RAD50: variants seen among roughly 807,000 people sequenced by gnomAD.
RAD50 encodes the protein DNA repair protein RAD50.
RAD50 carries 132 observed loss-of-function variants against 168.8 expected under a neutral mutation model. The observed-to-expected ratio is 0.78, with a 90% CI of 0.68 to 0.90. The LOEUF is 0.90. Among genes scored for constraint, RAD50 ranks in the 40% least tolerant of loss-of-function variants. The probability of loss-of-function intolerance (pLI) is 0.00; values close to 1 mark genes in which losing one functional copy is unlikely to be tolerated. For missense variants in RAD50, 1,347 were observed against 1,534.4 expected (o/e 0.88, Z 2.04); for synonymous variants, 525 against 497.4 (o/e 1.06, Z -0.74).
intron 13 of RAD50, among the ~76,000 whole-genome samples, chr5:132,600,668 G>A (rs1385447688): frequency 6.6e-6 from 1 of 151,952 alleles, no homozygotes; most frequent in Non-Finnish European, 1.5e-5. Flanking sequence ...AACTCAATTG[G>A]TATTTCTCCC....
In RAD50 at chr5:132,643,188, G is replaced by A. The variant is rs1751772836; in HGVS notation, c.*824G>A. On this transcript the variant is annotated 3_prime_UTR_variant, in exon 25 of 25. Transcript: ENST00000378823. ...CATCAATCCTGATTCCTCTCTAAGT[G>A]GGCATTGCCATGTGGAAGGCAAGCC... The A allele has an allele frequency of 7.6e-6, 3 of 397,204 alleles. No individual in the cohort carries two copies. Among genetic ancestry groups the A allele is most frequent in the Non-Finnish European group, 1.1e-5 (2 of 183,336 alleles). 24.6% of individuals were successfully genotyped at this position (397,204 alleles called of 1,614,324 possible).
Position 132,618,312 on chromosome 5 carries a change from G to C in RAD50, c.3389+18G>C. On this transcript the variant is annotated intron_variant, in intron 21 of 24. Transcript: ENST00000378823. Reference sequence around the variant, plus strand: ...CTTGACCAGTAAGTATTAGACTGGGGATTTTCTTATTGCAGTTAATATTAA... The same window carrying C: ...CTTGACCAGTAAGTATTAGACTGGGCATTTTCTTATTGCAGTTAATATTAA... 6.2e-7 allele frequency: 1 copy of C among 1,613,306 alleles called. No individual in the cohort carries two copies. Among genetic ancestry groups the C allele is most frequent in the African/African-American group, 1.3e-5 (1 of 74,976 alleles).
intron 5 of RAD50, 85 bp from the exon 6 acceptor site, chr5:132,587,477 G>A: frequency 6.4e-7 from 1 of 1,553,616 alleles, no homozygotes; most frequent in Admixed American, 1.9e-5. Context: ...CTAAATGCCT[G>A]GACCTGGAGT....
chr5:132,570,272 G>A (rs114000524), intron 2 of RAD50, among the ~76,000 whole-genome samples: 1 of 152,148 alleles, frequency 6.6e-6, no homozygotes, highest in African/African-American at 2.4e-5. Context: ...AAGAAAATGG[G>A]GGGGGAAATG....
intron 2 of RAD50, among the ~76,000 whole-genome samples, chr5:132,564,861 C>T (rs1472354574): frequency 3.3e-5 from 5 of 152,028 alleles, no homozygotes; most frequent in Admixed American, 6.5e-5. Flanking sequence ...CCAGAGGCTG[C>T]AAGCTGTAAG....
At chr5:132,631,304 G>T (rs1751461156) in intron 21 of RAD50, among the ~76,000 whole-genome samples, 1 of 151,994 alleles carries the variant, frequency 6.6e-6, no homozygotes, top group Non-Finnish European at 1.5e-5. Flanking sequence ...ATTTTTAGTA[G>T]AGATAGAGTT....
rs876660815 is a variant in RAD50, at chr5:132,603,427, A to G, written c.2335A>G (p.Met779Val). The change falls in exon 14 of 25, where the codon ATG becomes GTG. Residue 779 changes from methionine to valine, a missense_variant. Met to Val is a conservative substitution (Grantham distance 21). Around this residue, in one of 3 missense-constraint regions of RAD50, gnomAD observed 635 missense variants for 739.2 expected, o/e 0.86. Coordinates refer to ENST00000378823, the MANE Select transcript of RAD50 (RefSeq NM_005732.4). ...ACAAGAAACACTCTTGGGTACAATA[A>G]TGCCTGAAGAAGAAAGTGCCAAAGT... ...EEQETLLGTI[M>V]PEEESAKVCL... The G allele has an allele frequency of 6.2e-7, 1 of 1,613,996 alleles. No individual in the cohort carries two copies. The highest frequency in any genetic ancestry group is 2.2e-5 in the East Asian group (1 of 44,822).
At chr5:132,609,021 C>T in intron 17 of RAD50, 96 bp from the exon 18 acceptor site, 3 of 1,524,680 alleles carry the variant, frequency 2.0e-6, no homozygotes, top group Non-Finnish European at 1.8e-6. Flanking sequence ...AACTGGAACC[C>T]AATGTTCATA....
In RAD50 at chr5:132,588,707, G is replaced by C. The variant is rs2149841044; in HGVS notation, c.1072G>C (p.Asp358His). 2 of 1,613,664 alleles carry C rather than the reference G, an allele frequency of 1.2e-6. No individual in the cohort carries two copies. Among genetic ancestry groups the C allele is most frequent in the Non-Finnish European group, 8.5e-7 (1 of 1,179,880 alleles). ...VEQGRLQLQA[D>H]RHQEHIRARD... ...AAAAGGTCGTCTACAGCTGCAAGCA[G>C]ATCGCCATCAAGAACATATCCGAGC... Residue 358 changes from aspartate (D) to histidine (H), a missense_variant, in exon 8 of 25, where the codon GAT (aspartate) becomes CAT (histidine). By Grantham distance (81) the Asp-to-His change is moderately conservative. Around this residue, in one of 3 missense-constraint regions of RAD50, gnomAD observed 703 missense variants for 767.7 expected, o/e 0.92. Coordinates refer to ENST00000378823, the MANE Select transcript of RAD50 (RefSeq NM_005732.4).
chr5:132,591,106 G>A lies in RAD50; in HGVS notation c.1453-118G>A, dbSNP rs2706364. ...CTTATGTTTTTTTCTCTTGTTGGAT[G>A]CAAACAGTAATATTTGGAACATTCT... On this transcript the variant is annotated intron_variant, in intron 9 of 24. Coordinates refer to ENST00000378823, the MANE Select transcript of RAD50 (RefSeq NM_005732.4). The A allele has an allele frequency of 0.031, 32,462 of 1,050,142 alleles. 5,544 individuals are homozygous for A. The African/African-American group carries it at 0.41, about 13-fold the overall frequency. The allele number at this position is 1,050,142 out of a possible 1,614,324, so 65.1% of individuals were successfully genotyped here.
rs1379176700 is a variant in RAD50 at position 132,618,425 on chromosome 5, C to T, written c.3389+131C>T. On this transcript the variant is annotated intron_variant, in intron 21 of 24. Transcript: ENST00000378823. Reference sequence around the variant, plus strand: ...CAGAGTTTCACTCTTGTTTCCCAGGCTGGAGTGCAATGGCACGATCTCAGC... The same window carrying T: ...CAGAGTTTCACTCTTGTTTCCCAGGTTGGAGTGCAATGGCACGATCTCAGC... The T allele has an allele frequency of 6.1e-6, 9 of 1,469,052 alleles. No individual in the cohort carries two copies. In the East Asian group the frequency reaches 2.0e-4, roughly 33 times the overall value. The allele number at this position is 1,469,052 out of a possible 1,614,324, so 91.0% of individuals were successfully genotyped here.
At chr5:132,612,006 C>T (rs961864218) in intron 19 of RAD50, among the ~76,000 whole-genome samples, 1 of 152,090 alleles carries the variant, frequency 6.6e-6, no homozygotes, top group African/African-American at 2.4e-5. Context: ...TGAGTTTTTC[C>T]ACTTCTAGGT....
chr5:132,604,024 G>C lies in RAD50; in HGVS notation c.2502G>C (p.Glu834Asp), dbSNP rs377438445. Reference sequence around the variant, plus strand: ...AACAAGTCAACCAGGAGAAACAAGAGAAACAGCACAAGTTAGACACAGGTA... The same window carrying C: ...AACAAGTCAACCAGGAGAAACAAGACAAACAGCACAAGTTAGACACAGGTA... ...TVQQVNQEKQ[E>D]KQHKLDTVSS... Residue 834 changes from glutamate (E) to aspartate (D), a missense_variant, in exon 15 of 25, where the codon GAG becomes GAC. By Grantham distance (45) the Glu-to-Asp change is conservative. Around this residue, in one of 3 missense-constraint regions of RAD50, gnomAD observed 635 missense variants for 739.2 expected, o/e 0.86. Transcript: ENST00000378823. 1.4e-5 allele frequency: 23 copies of C among 1,613,744 alleles called. No homozygotes were observed. The highest frequency in any genetic ancestry group is 1.9e-5 in the Non-Finnish European group (22 of 1,179,766).
intron 21 of RAD50, among the ~76,000 whole-genome samples, chr5:132,618,926 G>T (rs1391232448): frequency 1.3e-5 from 2 of 152,114 alleles, no homozygotes; most frequent in Non-Finnish European, 2.9e-5. Context: ...CAGTGACAAA[G>T]ATTTTTACTT....
chr5:132,638,015 A>G (rs771902611), intron 22 of RAD50, 66 bp from the exon 23 acceptor site: 125 of 1,530,234 alleles, frequency 8.2e-5, no homozygotes, highest in Non-Finnish European at 2.4e-5. Flanking sequence ...CTTACTTGAT[A>G]TGTTTGTAAA....
chr5:132,578,326 A>G (rs561313473), intron 3 of RAD50, among the ~76,000 whole-genome samples: 2 of 152,146 alleles, frequency 1.3e-5, no homozygotes, highest in African/African-American at 4.8e-5. Context: ...TTCCATATCC[A>G]GTCTATTACT....
chr5:132,644,377 T>C lies in RAD50; in HGVS notation c.*2013T>C, dbSNP rs1402853940. On this transcript the variant is annotated 3_prime_UTR_variant, in exon 25 of 25. Transcript: ENST00000378823. ...ATTGGAATGAATAGCCATCACAGCA[T>C]GGATGGAGGTTAGAATGAGCCAGAC... 1 of 171,204 alleles carries C rather than the reference T, an allele frequency of 5.8e-6. No individual in the cohort carries two copies. The highest frequency in any genetic ancestry group is 2.4e-5 in the African/African-American group (1 of 42,038). The allele number at this position is 171,204 out of a possible 1,614,324, so 10.6% of individuals were successfully genotyped here.
At chr5:132,600,578 C>G (rs1428916624) in intron 13 of RAD50, among the ~76,000 whole-genome samples, 1 of 152,142 alleles carries the variant, frequency 6.6e-6, no homozygotes, top group African/African-American at 2.4e-5. Context: ...TGACTGAGAT[C>G]TCAGCTGAAA....
chr5:132,603,620 G>C, intron 14 of RAD50, 131 bp downstream of exon 14: 1 of 1,062,596 alleles, frequency 9.4e-7, no homozygotes. Flanking sequence ...CTGAATTTCA[G>C]ATACCCTCAG....
Sources: gnomAD v4.1 joint callset for allele counts (sites outside exome capture counted in the v4.1 genomes callset) on GRCh38, gnomAD v4.1.1 for gene constraint, gnomAD v4.1.1 regional missense constraint, MANE v1.5 for transcripts, NCBI Gene and HGNC (gene_info 2026-07-23, HGNC 2026-07-21) for gene names.